CTNND2: variants seen among roughly 807,000 people sequenced by gnomAD.
The protein encoded by CTNND2 is catenin delta-2.
Under a neutral mutation model 144.4 loss-of-function variants are expected in CTNND2, and 22 were observed. The ratio of observed to expected loss-of-function variants is 0.15; its 90% CI spans 0.11 to 0.22. The LOEUF (loss-of-function observed/expected upper bound fraction) is 0.22, where lower values mean the gene tolerates loss of function less well. Ranked by LOEUF, CTNND2 falls within the 10% of genes least tolerant of loss-of-function variation. CTNND2 has a pLI of 1.00. For missense variants in CTNND2, 1,353 were observed against 1,618.8 expected (o/e 0.84, Z 2.82); for synonymous variants, 751 against 695.6 (o/e 1.08, Z -1.25).
intron 2 of CTNND2, among the ~76,000 whole-genome samples, chr5:11,671,108 A>C (rs181053650): frequency 0.024 from 3,678 of 152,248 alleles, 46 homozygotes; most frequent in East Asian, 0.057. Context: ...CTGGCCCCCC[A>C]TCTCTTCTGG....
intron 3 of CTNND2, among the ~76,000 whole-genome samples, chr5:11,447,219 G>A (rs1156697290): frequency 1.3e-5 from 2 of 152,080 alleles, no homozygotes; most frequent in Admixed American, 6.5e-5. Context: ...GTGAGTGCCT[G>A]TAATCCCAGC....
chr5:11,502,335 T>C (rs1770609590), intron 3 of CTNND2, among the ~76,000 whole-genome samples: 1 of 152,154 alleles, frequency 6.6e-6, no homozygotes, highest in Non-Finnish European at 1.5e-5. Flanking sequence ...GTTACCTTTC[T>C]TCATGGAAAT....
intron 11 of CTNND2, among the ~76,000 whole-genome samples, chr5:11,175,463 C>G (rs562393340): frequency 6.6e-6 from 1 of 152,122 alleles, no homozygotes. Flanking sequence ...AATCCCAGCA[C>G]GCACGCTGTT....
At chr5:11,579,945 A>G (rs1043365550) in intron 2 of CTNND2, among the ~76,000 whole-genome samples, 3 of 152,172 alleles carry the variant, frequency 2.0e-5, no homozygotes, top group Non-Finnish European at 4.4e-5. Flanking sequence ...TTTTTTCCCA[A>G]ACAATTTTCC....
intron 15 of CTNND2, among the ~76,000 whole-genome samples, chr5:11,094,935 A>G: frequency 6.6e-6 from 1 of 152,336 alleles, no homozygotes; most frequent in South Asian, 2.1e-4. Context: ...AGAGAAATTT[A>G]CCAAAGAAAT....
intron 2 of CTNND2, among the ~76,000 whole-genome samples, chr5:11,664,321 G>T (rs748559638): frequency 6.6e-6 from 1 of 152,174 alleles, no homozygotes. Context: ...AGCTGGGTGC[G>T]GTGGCTCACT....
intron 20 of CTNND2, among the ~76,000 whole-genome samples, chr5:10,984,671 T>A (rs916213479): frequency 6.6e-6 from 1 of 152,042 alleles, no homozygotes; most frequent in Admixed American, 6.5e-5. Flanking sequence ...TGCCCTCATA[T>A]GACCGAGCTA....
chr5:11,549,444 C>A (rs1273615796), intron 3 of CTNND2, among the ~76,000 whole-genome samples: 1 of 152,090 alleles, frequency 6.6e-6, no homozygotes, highest in Non-Finnish European at 1.5e-5. Flanking sequence ...ATTGGCTGAC[C>A]CCAGCATCCA....
In CTNND2 at chr5:10,973,895, A is replaced by C. The variant is rs1736115196; in HGVS notation, c.3418-182T>G. On this transcript the variant is annotated intron_variant, in intron 21 of 21. Transcript: ENST00000304623. The surrounding 1 kb of genome is among the most constrained non-coding windows in gnomAD (Gnocchi z 5.6). Reference sequence around the variant, plus strand: ...GCTTTCCTTTTGAAAATTGGATCCTAGGTCCACGTGCTATCATTCTACATA... The same window carrying C: ...GCTTTCCTTTTGAAAATTGGATCCTCGGTCCACGTGCTATCATTCTACATA... Among the ~76,000 whole-genome samples, 1 of 152,218 alleles carries C rather than the reference A, an allele frequency of 6.6e-6. No homozygotes were observed. Among genetic ancestry groups the C allele is most frequent in the Non-Finnish European group, 1.5e-5 (1 of 68,034 alleles).
chr5:11,303,743 A>G (rs144283528), intron 9 of CTNND2, among the ~76,000 whole-genome samples: 9 of 152,290 alleles, frequency 5.9e-5, no homozygotes, highest in African/African-American at 1.9e-4. Context: ...AGTAGCCTTG[A>G]TTAGTTACTG....
At chr5:11,560,947 G>A (rs144017081) in intron 3 of CTNND2, among the ~76,000 whole-genome samples, 39 of 152,314 alleles carry the variant, frequency 2.6e-4, no homozygotes, top group African/African-American at 8.9e-4. Flanking sequence ...ACAGAGGGAT[G>A]AGTCTGAATG....
intron 11 of CTNND2, among the ~76,000 whole-genome samples, chr5:11,160,682 AT>A (rs1758684747): frequency 4.6e-5 from 7 of 152,220 alleles, no homozygotes; most frequent in Admixed American, 4.6e-4. Flanking sequence ...AACACGTACC[AT>A]CACTGCAGAT....
chr5:11,021,392 T>C (rs965668323), intron 17 of CTNND2, among the ~76,000 whole-genome samples: 2 of 152,206 alleles, frequency 1.3e-5, no homozygotes, highest in African/African-American at 4.8e-5. Flanking sequence ...AGCATTACCA[T>C]ATTAAGATCT....
chr5:11,392,093 A>C (rs564835036), intron 6 of CTNND2, among the ~76,000 whole-genome samples: 78 of 152,310 alleles, frequency 5.1e-4, no homozygotes, highest in African/African-American at 1.8e-3. Context: ...GAGAGAGAGA[A>C]ATTTTGCAAA....
At chr5:11,148,763 T>C (rs1757475981) in intron 12 of CTNND2, among the ~76,000 whole-genome samples, 1 of 152,166 alleles carries the variant, frequency 6.6e-6, no homozygotes, top group South Asian at 2.1e-4. Flanking sequence ...GGCTGGGTGC[T>C]TGGGAGGAAA....
chr5:11,643,486 T>G (rs1419127478), intron 2 of CTNND2, among the ~76,000 whole-genome samples: 1 of 149,608 alleles, frequency 6.7e-6, no homozygotes, highest in Non-Finnish European at 1.5e-5. Flanking sequence ...ACATGCGGTG[T>G]TTGGTTTTTT....
chr5:11,007,511 T>C (rs1444350439), intron 18 of CTNND2, among the ~76,000 whole-genome samples: 2 of 152,228 alleles, frequency 1.3e-5, no homozygotes, highest in African/African-American at 4.8e-5. Context: ...AAGAAACATC[T>C]GAGACAGTTC....
At chr5:11,616,605 C>T (rs1780593507) in intron 2 of CTNND2, among the ~76,000 whole-genome samples, 1 of 149,716 alleles carries the variant, frequency 6.7e-6, no homozygotes, top group African/African-American at 2.5e-5. Flanking sequence ...CTTCCTTCCT[C>T]CTTCCTTCCT....
intron 11 of CTNND2, among the ~76,000 whole-genome samples, chr5:11,163,664 T>C (rs930272583): frequency 2.0e-5 from 3 of 152,172 alleles, no homozygotes; most frequent in African/African-American, 7.2e-5. Flanking sequence ...CAGGACACTT[T>C]AATTCTTACT....
Sources: allele counts gnomAD v4.1 joint callset (sites outside exome capture counted in the v4.1 genomes callset), GRCh38; gene constraint gnomAD v4.1.1; non-coding constraint Gnocchi (gnomAD v3.1); transcripts MANE v1.5; gene names NCBI Gene and HGNC (gene_info 2026-07-23, HGNC 2026-07-21).